Variants in KLHL25 observed in about 807,000 individuals in gnomAD.
KLHL25 encodes kelch like family member 25, also known as kelch-like protein 25.
Under a neutral mutation model 30.0 loss-of-function variants are expected in KLHL25, and 41 were observed. The observed-to-expected ratio is 1.37, with a 90% CI of 1.07 to 1.78. The LOEUF (loss-of-function observed/expected upper bound fraction) is 1.78, where lower values mean the gene tolerates loss of function less well. KLHL25 is among the 40% of genes most tolerant of loss of function. The pLI is 0.00. For synonymous variants in KLHL25, 399 were observed against 355.3 expected, an observed-to-expected ratio of 1.12 and a Z score of -1.38; for missense variants, 971 against 824.5, an observed-to-expected ratio of 1.18 and a Z score of -2.18.
chr15:85,768,937 T>C lies in KLHL25; in HGVS notation c.874A>G (p.Lys292Glu). The C allele has an allele frequency of 1.2e-6, 2 of 1,613,308 alleles. No homozygotes were observed. The highest frequency in any genetic ancestry group is 1.1e-5 in the South Asian group (1 of 91,088). Residue 292 changes from lysine (K) to glutamate (E), a missense_variant, in exon 2 of 3, where the codon AAG becomes GAG. Lys to Glu is a moderately conservative substitution (Grantham distance 56, BLOSUM62 1). Transcript: ENST00000337975. ...VVTSPCARPRKAGHTLLILGG... is the reference protein window; with the variant it reads ...VVTSPCARPREAGHTLLILGG... Reference sequence around the variant, plus strand: ...AGGATGAGTAGCGTGTGGCCCGCCTTGCGTGGCCGGGCACAGGGGCTGGTG... The same window carrying C: ...AGGATGAGTAGCGTGTGGCCCGCCTCGCGTGGCCGGGCACAGGGGCTGGTG...
At chr15:85,775,866 A>T (rs1179756284) in intron 1 of KLHL25, among the ~76,000 whole-genome samples, 25 of 7,162 alleles carry the variant, frequency 3.5e-3, no homozygotes, top group African/African-American at 0.011. Context: ...GGCTCGTTTA[A>T]AAAAAAAAAA....
At chr15:85,781,593 C>G (rs1429436580) in intron 1 of KLHL25, among the ~76,000 whole-genome samples, 2 of 152,156 alleles carry the variant, frequency 1.3e-5, no homozygotes, top group Non-Finnish European at 2.9e-5. Context: ...AAGCAATTCT[C>G]CTGCCTCAGC....
intron 1 of KLHL25, among the ~76,000 whole-genome samples, chr15:85,783,492 G>A (rs1302484160): frequency 2.6e-5 from 4 of 151,914 alleles, no homozygotes; most frequent in African/African-American, 9.7e-5. Context: ...AGGAATTCAA[G>A]ACTAGCCTGG....
chr15:85,780,610 A>G (rs928306463), intron 1 of KLHL25, among the ~76,000 whole-genome samples: 13 of 152,394 alleles, frequency 8.5e-5, no homozygotes, highest in African/African-American at 3.1e-4. Flanking sequence ...ACAAATGCCA[A>G]GCACTGGCCA....
In KLHL25 at chr15:85,789,700, C is replaced by T. The variant is rs2089803681; in HGVS notation, c.-11+5066G>A. 6.6e-6 allele frequency among the ~76,000 whole-genome samples: 1 copy of T among 152,142 alleles called. No individual in the cohort carries two copies. The highest frequency in any genetic ancestry group is 1.5e-5 in the Non-Finnish European group (1 of 68,026). On this transcript the variant is annotated intron_variant, in intron 1 of 2. Transcript: ENST00000337975. This position sits in a 1 kb window ranked among gnomAD's most constrained non-coding sequence, Gnocchi z 4.1. ...TCCTGGTGCTCCCACGAACTGCTGC[C>T]CAGCTCCCTGCCCACGACCAGTCAG...
intron 1 of KLHL25, among the ~76,000 whole-genome samples, chr15:85,775,413 G>A (rs2089703253): frequency 6.6e-6 from 1 of 152,158 alleles, no homozygotes; most frequent in Non-Finnish European, 1.5e-5. Flanking sequence ...CCACCCTGCA[G>A]GAGCTGACGC....
chr15:85,792,386 T>C (rs2089823376), intron 1 of KLHL25, among the ~76,000 whole-genome samples: 1 of 152,210 alleles, frequency 6.6e-6, no homozygotes, highest in African/African-American at 2.4e-5. Context: ...AGCATCTCAA[T>C]CAACCAATTC....
At chr15:85,790,372 G>T (rs2089808573) in intron 1 of KLHL25, among the ~76,000 whole-genome samples, 1 of 152,192 alleles carries the variant, frequency 6.6e-6, no homozygotes. Context: ...ACAGGGGTGA[G>T]CCACCTCGCC....
intron 1 of KLHL25, among the ~76,000 whole-genome samples, chr15:85,773,390 C>T (rs1361906361): frequency 2.0e-5 from 3 of 152,260 alleles, no homozygotes; most frequent in East Asian, 1.9e-4. Flanking sequence ...GCTGCCCAGG[C>T]GGCTGCGACA....
intron 1 of KLHL25, among the ~76,000 whole-genome samples, chr15:85,772,275 G>A (rs1016571318): frequency 3.9e-5 from 6 of 152,338 alleles, no homozygotes; most frequent in African/African-American, 1.4e-4. Context: ...CTGAGGTCAC[G>A]TTCAAGGGCC....
intron 1 of KLHL25, among the ~76,000 whole-genome samples, chr15:85,781,614 G>A (rs2089743734): frequency 6.6e-6 from 1 of 152,108 alleles, no homozygotes; most frequent in Admixed American, 6.5e-5. Flanking sequence ...CTCCCAAGTA[G>A]CTGGGATTAT....
chr15:85,765,694 C>T (rs1228688474), intron 2 of KLHL25, among the ~76,000 whole-genome samples: 2 of 147,484 alleles, frequency 1.4e-5, no homozygotes, highest in Admixed American at 1.4e-4. Flanking sequence ...AAGCCAGATG[C>T]GGTGGCACAC....
In KLHL25 at chr15:85,768,373, G is replaced by A. The variant is rs2089639058; in HGVS notation, c.1438C>T (p.Gln480Ter). 2 of 1,613,624 alleles carry A rather than the reference G, an allele frequency of 1.2e-6. No homozygotes were observed. Among genetic ancestry groups the A allele is most frequent in the East Asian group, 2.2e-5 (1 of 44,870 alleles). The change falls in exon 2 of 3, where the codon CAG becomes TAG. Residue 480 changes from glutamine to a stop codon, truncating the protein, a stop_gained. Coordinates refer to ENST00000337975, the MANE Select transcript of KLHL25 (RefSeq NM_022480.4). LOFTEE classifies it high-confidence loss of function. Reference protein sequence around the residue: ...NRWTIKAECPQPWRYTAAAVL... With the variant: ...NRWTIKAECP ...GCAGCGGCTGTGTACCGCCAAGGCT[G>A]GGGGCACTCGGCCTTGATCGTCCAC...
At chr15:85,792,184 G>T (rs1023295103) in intron 1 of KLHL25, among the ~76,000 whole-genome samples, 14 of 152,168 alleles carry the variant, frequency 9.2e-5, no homozygotes, top group African/African-American at 3.4e-4. Flanking sequence ...GCTGCTGATT[G>T]ATAAGTCCTG....
In KLHL25 at chr15:85,768,216, T is replaced by C; in HGVS notation, c.1595A>G (p.His532Arg). The change falls in exon 2 of 3, where the codon CAT becomes CGT. Residue 532 changes from histidine (H) to arginine (R), a missense_variant. Physicochemically the swap from His to Arg is conservative, Grantham distance 29 (BLOSUM62 0). Coordinates refer to ENST00000337975, the MANE Select transcript of KLHL25 (RefSeq NM_022480.4). ...GAGCTTGTTGCCGGAAGCCAGGGCATGGCAGGACATGCGCTTGGCAGTCAT... is the reference window on the plus strand; with the variant it reads ...GAGCTTGTTGCCGGAAGCCAGGGCACGGCAGGACATGCGCTTGGCAGTCAT... ...GDMTAKRMSC[H>R]ALASGNKLYV... 3 of 1,614,194 alleles carry C rather than the reference T, an allele frequency of 1.9e-6. No individual in the cohort carries two copies. The highest frequency in any genetic ancestry group is 1.3e-5 in the African/African-American group (1 of 75,058).
intron 1 of KLHL25, among the ~76,000 whole-genome samples, chr15:85,792,300 G>A (rs1567245040): frequency 6.6e-6 from 1 of 152,136 alleles, no homozygotes; most frequent in Non-Finnish European, 1.5e-5. Flanking sequence ...AGTGTTTCCT[G>A]GTGAGGAAAA....
At chr15:85,779,262 A>G (rs1406071934) in intron 1 of KLHL25, among the ~76,000 whole-genome samples, 1 of 152,146 alleles carries the variant, frequency 6.6e-6, no homozygotes, top group Admixed American at 6.5e-5. Flanking sequence ...AGCCACACCC[A>G]GGAGCTCCAC....
At chr15:85,765,350 G>T (rs890660628) in intron 2 of KLHL25, among the ~76,000 whole-genome samples, 2 of 152,098 alleles carry the variant, frequency 1.3e-5, no homozygotes, top group Non-Finnish European at 2.9e-5. Flanking sequence ...AGAAGACCGG[G>T]CACGAAGGCT....
Position 85,768,575 on chromosome 15 carries a change from T to C in KLHL25, c.1236A>G (p.Lys412=). The C allele has an allele frequency of 6.2e-7, 1 of 1,612,276 alleles. No individual in the cohort carries two copies. The highest frequency in any genetic ancestry group is 8.5e-7 in the Non-Finnish European group (1 of 1,178,744). ...CCCCAGGGTCGTATTTCTCCACTTG[T>C]TTCAGGGAGACAGAAGGCGAGGCCG... is the stretch of plus-strand genomic sequence containing the variant. ...VFPASPSVSL[K]QVEKYDPGAN... Residue 412 remains lysine (K), a synonymous_variant, in exon 2 of 3, where the codon AAA becomes AAG. Coordinates refer to ENST00000337975, the MANE Select transcript of KLHL25 (RefSeq NM_022480.4).
Sources: allele counts gnomAD v4.1 joint callset (sites outside exome capture counted in the v4.1 genomes callset), GRCh38; gene constraint gnomAD v4.1.1; non-coding constraint Gnocchi (gnomAD v3.1); transcripts MANE v1.5; gene names NCBI Gene and HGNC (gene_info 2026-07-23, HGNC 2026-07-21).